Variants in UBE3C observed in about 807,000 individuals in gnomAD.
UBE3C encodes the protein ubiquitin protein ligase E3C.
UBE3C carries 42 observed loss-of-function variants against 129.4 expected under a neutral mutation model. That is an observed-to-expected ratio of 0.32 (90% CI 0.25 to 0.42). The LOEUF (loss-of-function observed/expected upper bound fraction) is 0.42, where lower values mean the gene tolerates loss of function less well. Ranked by LOEUF, UBE3C falls within the 10% of genes least tolerant of loss-of-function variation. The probability of loss-of-function intolerance (pLI) is 1.00; values close to 1 mark genes in which losing one functional copy is unlikely to be tolerated. For synonymous variants in UBE3C, 510 were observed against 492.4 expected, an observed-to-expected ratio of 1.04 and a Z score of -0.47; for missense variants, 1,049 against 1,319.1, an observed-to-expected ratio of 0.80 and a Z score of 3.17.
chr7:157,207,774 C>T lies in UBE3C; in HGVS notation c.1648C>T (p.Arg550Ter). 2.5e-6 allele frequency: 4 copies of T among 1,614,088 alleles called. No individual in the cohort carries two copies. Among genetic ancestry groups the T allele is most frequent in the Non-Finnish European group, 3.4e-6 (4 of 1,180,016 alleles). ...EELIMLSRCL[R>*]DACLGIIKLA... is the part of the protein sequence containing the mutation. ...GCTGATAATGTTGTCTCGATGCCTTCGAGATGCATGCCTGGGGATCATCAA... is the reference window on the plus strand; with the variant it reads ...GCTGATAATGTTGTCTCGATGCCTTTGAGATGCATGCCTGGGGATCATCAA... Residue 550 changes from arginine to a stop codon, truncating the protein, a stop_gained, in exon 13 of 23, where the codon CGA (arginine) becomes TGA (stop). Coordinates refer to ENST00000348165, the MANE Select transcript of UBE3C (RefSeq NM_014671.3). LOFTEE classifies it high-confidence loss of function.
chr7:157,158,708 C>G (rs1193607649), intron 1 of UBE3C, among the ~76,000 whole-genome samples: 1 of 152,232 alleles, frequency 6.6e-6, no homozygotes, highest in African/African-American at 2.4e-5. Context: ...ATACTCTGAA[C>G]TCAGCTAATC....
intron 18 of UBE3C, among the ~76,000 whole-genome samples, chr7:157,239,782 G>T (rs1451628762): frequency 6.6e-6 from 1 of 152,192 alleles, no homozygotes; most frequent in Non-Finnish European, 1.5e-5. Flanking sequence ...GCAAAGTGAG[G>T]GTGTGGGGTC....
intron 17 of UBE3C, among the ~76,000 whole-genome samples, chr7:157,230,805 A>G (rs1404689529): frequency 6.6e-6 from 1 of 151,348 alleles, no homozygotes; most frequent in East Asian, 1.9e-4. Flanking sequence ...CAGGTTGAGG[A>G]CAAGCTTGCT....
At chr7:157,166,664 C>T (rs916640571) in intron 2 of UBE3C, among the ~76,000 whole-genome samples, 4 of 149,336 alleles carry the variant, frequency 2.7e-5, no homozygotes, top group Admixed American at 6.8e-5. Context: ...TGCTTGAACT[C>T]GGGAGGCGGA....
rs761322686 is a variant in UBE3C, at chr7:157,161,314, GAAT to G, written c.67-2494_67-2492del. On this transcript the variant is annotated intron_variant, in intron 1 of 22. Transcript: ENST00000348165. ...GTTTCTAAAAGTTTAAAAAATTAAA[GAAT>G]ATTAAGTAAACAATCATGAATCATT... is the stretch of plus-strand genomic sequence containing the variant. Among the ~76,000 whole-genome samples the G allele has an allele frequency of 2.3e-4, 35 of 152,160 alleles. 1 individual carries two copies. Among genetic ancestry groups the G allele is most frequent in the East Asian group, 1.7e-3 (9 of 5,196 alleles).
At chr7:157,250,731 G>A (rs1412212155) in intron 19 of UBE3C, among the ~76,000 whole-genome samples, 9 of 151,920 alleles carry the variant, frequency 5.9e-5, no homozygotes, top group East Asian at 3.8e-4. Flanking sequence ...ATAATTTGGC[G>A]GGGGGGCTGT....
chr7:157,268,835 T>C lies in UBE3C; in HGVS notation c.*1080T>C, dbSNP rs1168838063. 6.6e-6 allele frequency: 1 copy of C among 152,608 alleles called. No individual in the cohort carries two copies. Among genetic ancestry groups the C allele is most frequent in the East Asian group, 1.9e-4 (1 of 5,194 alleles). The allele number at this position is 152,608 out of a possible 1,614,324, so 9.5% of individuals were successfully genotyped here. ...CAGGACCTGACCTGTTGCTGGGTGA[T>C]TTTAGTCTCTACAAACAGAAAGCGT... is the stretch of plus-strand genomic sequence containing the variant. On this transcript the variant is annotated 3_prime_UTR_variant, in exon 23 of 23. Coordinates refer to ENST00000348165, the MANE Select transcript of UBE3C (RefSeq NM_014671.3).
intron 1 of UBE3C, among the ~76,000 whole-genome samples, chr7:157,144,611 A>T (rs1807553248): frequency 6.6e-6 from 1 of 152,298 alleles, no homozygotes; most frequent in Non-Finnish European, 1.5e-5. Context: ...GGAGGAACTG[A>T]AATTTTTTAA....
chr7:157,165,021 A>G (rs1278764824), intron 2 of UBE3C, among the ~76,000 whole-genome samples: 2 of 152,160 alleles, frequency 1.3e-5, no homozygotes, highest in Non-Finnish European at 2.9e-5. Flanking sequence ...ATGTTTAGCA[A>G]CACCCATGGC....
chr7:157,159,595 C>T (rs1301731066), intron 1 of UBE3C, among the ~76,000 whole-genome samples: 3 of 152,172 alleles, frequency 2.0e-5, no homozygotes, highest in South Asian at 4.1e-4. Flanking sequence ...CAGCTGGGTG[C>T]GATGGCTCAT....
intron 18 of UBE3C, among the ~76,000 whole-genome samples, chr7:157,239,629 G>T (rs920088790): frequency 6.6e-6 from 1 of 152,172 alleles, no homozygotes; most frequent in Non-Finnish European, 1.5e-5. Context: ...TTGGGGGACT[G>T]GTTATCAAGA....
chr7:157,146,342 C>T (rs1302935947), intron 1 of UBE3C, among the ~76,000 whole-genome samples: 4 of 151,520 alleles, frequency 2.6e-5, no homozygotes, highest in Admixed American at 6.6e-5. Context: ...AGCAGTTCTC[C>T]GGCCTCAGCC....
In UBE3C at chr7:157,182,204, G is replaced by A; in HGVS notation, c.867G>A (p.Gln289=). The change falls in exon 8 of 23, where the codon CAG becomes CAA. Residue 289 remains glutamine, a synonymous_variant. Transcript: ENST00000348165. ...HFIIPALADA[Q]TVFPYEPFLN... is the part of the protein sequence containing the mutation. ...TCATTCCGGCGCTTGCAGATGCGCA[G>A]ACCGTTTTCCCTTACGAGCCCTTTC... is the stretch of plus-strand genomic sequence containing the variant. 6.2e-7 allele frequency: 1 copy of A among 1,614,108 alleles called. No homozygotes were observed. The highest frequency in any genetic ancestry group is 1.6e-4 in the Middle Eastern group (1 of 6,062).
Position 157,182,301 on chromosome 7 carries a change from G to T in UBE3C, c.964G>T (p.Val322Phe). Residue 322 changes from valine to phenylalanine, a missense_variant, in exon 8 of 23, where the codon GTT (valine) becomes TTT (phenylalanine). Val to Phe is a conservative substitution (Grantham distance 50, BLOSUM62 -1). This residue lies in a region of UBE3C where 489 missense variants were observed against 513.8 expected (regional missense o/e 0.95). Transcript: ENST00000348165. Reference sequence around the variant, plus strand: ...TGGAGCACCCTGGCTTTTCTATTTCGTTTTAACTGTTGGCGAAAATTATTT... The same window carrying T: ...TGGAGCACCCTGGCTTTTCTATTTCTTTTTAACTGTTGGCGAAAATTATTT... Reference protein sequence around the residue: ...SGGAPWLFYFVLTVGENYLGA... With the variant: ...SGGAPWLFYFFLTVGENYLGA... 6.2e-7 allele frequency: 1 copy of T among 1,613,570 alleles called. No homozygotes were observed. Among genetic ancestry groups the T allele is most frequent in the Non-Finnish European group, 8.5e-7 (1 of 1,179,894 alleles).
At position 157,224,091 on chromosome 7, in the gene UBE3C, C is replaced by T. The variant is rs544795554; in HGVS notation, c.2100+740C>T. Among the ~76,000 whole-genome samples the T allele has an allele frequency of 3.3e-5, 5 of 152,268 alleles. No individual in the cohort carries two copies. The South Asian group carries it at 1.0e-3, about 32-fold the overall frequency. On this transcript the variant is annotated intron_variant, in intron 16 of 22. Coordinates refer to ENST00000348165, the MANE Select transcript of UBE3C (RefSeq NM_014671.3). ...TGCTGTGATCATAGCTCACAGCAGC[C>T]TCAAACTCCTGGGCGCAAGCCACCA...
At position 157,204,842 on chromosome 7, in the gene UBE3C, G is replaced by A. The variant is rs191313642; in HGVS notation, c.1419-2556G>A. The stretch of plus-strand genomic sequence containing the variant: ...ATAAATAATCTCAAAACAGTCTACA[G>A]TAGTATTCTGAAAACCTGTTAAAGC... On this transcript the variant is annotated intron_variant, in intron 11 of 22. Transcript: ENST00000348165. Among the ~76,000 whole-genome samples the A allele has an allele frequency of 2.3e-3, 358 of 152,342 alleles. 2 individuals are homozygous for A. Among genetic ancestry groups the A allele is most frequent in the African/African-American group, 7.9e-3 (327 of 41,582 alleles).
intron 10 of UBE3C, among the ~76,000 whole-genome samples, chr7:157,196,087 G>T (rs1027658956): frequency 9.2e-5 from 14 of 152,036 alleles, no homozygotes; most frequent in African/African-American, 3.4e-4. Flanking sequence ...CCAGGGTGGT[G>T]TCAGAGAGAT....
chr7:157,167,187 T>G (rs1197034136), intron 2 of UBE3C, among the ~76,000 whole-genome samples: 1 of 152,138 alleles, frequency 6.6e-6, no homozygotes, highest in Non-Finnish European at 1.5e-5. Flanking sequence ...CACCTCAGCC[T>G]CCCACAGTGC....
rs201178438 is a variant in UBE3C, at chr7:157,182,364, A to G, written c.991+36A>G. On this transcript the variant is annotated intron_variant, in intron 8 of 22. Transcript: ENST00000348165. ...CAAGATCTTTTTTACCTGAACACAC[A>G]TATGGGTAGCATTGGCAGATGAGTC... The G allele has an allele frequency of 5.9e-4, 938 of 1,599,000 alleles. 1 individual carries two copies. Among genetic ancestry groups the G allele is most frequent in the Admixed American group, 1.5e-3 (86 of 58,778 alleles).
Sources: gnomAD v4.1 joint callset for allele counts (sites outside exome capture counted in the v4.1 genomes callset) on GRCh38, gnomAD v4.1.1 for gene constraint, gnomAD v4.1.1 regional missense constraint, MANE v1.5 for transcripts, NCBI Gene and HGNC (gene_info 2026-07-23, HGNC 2026-07-21) for gene names.